MAP2: variants seen among roughly 807,000 people sequenced by gnomAD.
MAP2 encodes microtubule-associated protein 2.
A neutral mutation model predicts 137.6 loss-of-function variants in MAP2; 14 were observed. That is an observed-to-expected ratio of 0.10 (90% CI 0.07 to 0.16). MAP2 has a LOEUF of 0.16. Ranked by LOEUF, MAP2 falls within the 10% of genes least tolerant of loss-of-function variation. The pLI is 1.00. For missense variants in MAP2, 2,088 were observed against 2,191.5 expected, an observed-to-expected ratio of 0.95 and a Z score of 0.94; for synonymous variants, 786 against 782.3, an observed-to-expected ratio of 1.00 and a Z score of -0.08.
At chr2:209,700,428 AT>A in intron 11 of MAP2, 90 bp downstream of exon 11, 1 of 1,054,160 alleles carries the variant, frequency 9.5e-7, no homozygotes, top group Non-Finnish European at 1.4e-6. Context: ...TTGTTTAGAT[AT>A]TTACTCTTAA....
Position 209,680,749 on chromosome 2 carries a change from G to A in MAP2, c.377-1G>A, listed in dbSNP as rs1159942115. The A allele has an allele frequency of 6.2e-7, 1 of 1,612,346 alleles. No individual in the cohort carries two copies. The highest frequency in any genetic ancestry group is 1.7e-5 in the Admixed American group (1 of 59,976). Reference sequence around the variant, plus strand: ...TCATTTTTCTATTGTTTGATCTTTAGCAGCTGAAGAAACAGCTAATCTGCC... The same window carrying A: ...TCATTTTTCTATTGTTTGATCTTTAACAGCTGAAGAAACAGCTAATCTGCC... On this transcript the variant is annotated splice_acceptor_variant, in intron 6 of 15. Transcript: ENST00000682079. LOFTEE classifies it high-confidence loss of function.
rs72997621 is a variant in MAP2 at position 209,480,828 on chromosome 2, A to G, written c.-221-26764A>G. 9.5e-3 allele frequency among the ~76,000 whole-genome samples: 1,451 copies of G among 152,272 alleles called. 19 individuals carry two copies. Among genetic ancestry groups the G allele is most frequent in the Non-Finnish European group, 0.012 (844 of 68,026 alleles). On this transcript the variant is annotated intron_variant, in intron 1 of 15. Coordinates refer to ENST00000682079, the MANE Select transcript of MAP2 (RefSeq NM_001375505.1). The stretch of plus-strand genomic sequence containing the variant: ...AGGAACCAGGTTTACCATTGTAATC[A>G]TTAGCTTAGTCTTGTTCTTCCTTCT...
At chr2:209,592,673 T>A (rs1195437053) in intron 3 of MAP2, among the ~76,000 whole-genome samples, 1 of 152,226 alleles carries the variant, frequency 6.6e-6, no homozygotes, top group Non-Finnish European at 1.5e-5. Flanking sequence ...CTCATTCTTT[T>A]GTGAAATACT....
chr2:209,468,104 T>C (rs1351442163), intron 1 of MAP2, among the ~76,000 whole-genome samples: 1 of 136,218 alleles, frequency 7.3e-6, no homozygotes, highest in Non-Finnish European at 1.6e-5. Context: ...TGCTTTTTTT[T>C]TTCATTGTAT....
Position 209,432,442 on chromosome 2 carries a change from G to A in MAP2, c.-222+8166G>A, listed in dbSNP as rs114628771. On this transcript the variant is annotated intron_variant, in intron 1 of 15. Transcript: ENST00000682079. The stretch of plus-strand genomic sequence containing the variant: ...TCATCTGCACCCATGCTGCTTAAGC[G>A]TTATGGAATCTTTAGTTGACAAATA... Among the ~76,000 whole-genome samples the A allele has an allele frequency of 2.3e-3, 350 of 152,234 alleles. 1 individual carries two copies. The highest frequency in any genetic ancestry group is 8.0e-3 in the African/African-American group (334 of 41,528).
intron 3 of MAP2, among the ~76,000 whole-genome samples, chr2:209,591,741 T>C (rs537785435): frequency 9.5e-4 from 144 of 152,322 alleles, no homozygotes; most frequent in African/African-American, 2.7e-3. Context: ...GTTGTAAATA[T>C]TATACTTCCA....
At chr2:209,444,336 A>C (rs1211044119) in intron 1 of MAP2, among the ~76,000 whole-genome samples, 1 of 151,700 alleles carries the variant, frequency 6.6e-6, no homozygotes, top group African/African-American at 2.4e-5. Flanking sequence ...AGTCTCAATG[A>C]ATAAGGAAAT....
chr2:209,561,156 A>C (rs183476820), intron 2 of MAP2, among the ~76,000 whole-genome samples: 1 of 152,342 alleles, frequency 6.6e-6, no homozygotes. Context: ...GCTAGGCTAA[A>C]AATAGGGAAG....
intron 1 of MAP2, among the ~76,000 whole-genome samples, chr2:209,435,205 C>T (rs894852778): frequency 1.3e-5 from 2 of 150,884 alleles, no homozygotes; most frequent in Non-Finnish European, 3.0e-5. Flanking sequence ...CTCTAGTTGA[C>T]AGTCACTAGA....
At chr2:209,690,359 T>C (rs1054189650) in intron 7 of MAP2, among the ~76,000 whole-genome samples, 1 of 152,268 alleles carries the variant, frequency 6.6e-6, no homozygotes, top group Middle Eastern at 3.4e-3. Flanking sequence ...TTAAAATAAA[T>C]TGCCTTTTAA....
chr2:209,446,943 C>T (rs192823521), intron 1 of MAP2, among the ~76,000 whole-genome samples: 16 of 152,008 alleles, frequency 1.1e-4, no homozygotes, highest in South Asian at 2.1e-4. Flanking sequence ...GATATTTTCT[C>T]AGATACTACT....
At chr2:209,475,041 T>C (rs1314117998) in intron 1 of MAP2, among the ~76,000 whole-genome samples, 2 of 152,090 alleles carry the variant, frequency 1.3e-5, no homozygotes, top group Non-Finnish European at 2.9e-5. Context: ...TCTATGTGTA[T>C]GAAGAGGAAT....
intron 2 of MAP2, among the ~76,000 whole-genome samples, chr2:209,556,861 A>T (rs1268172891): frequency 1.3e-5 from 2 of 152,068 alleles, no homozygotes; most frequent in Non-Finnish European, 2.9e-5. Context: ...ATTCTTTTTT[A>T]ATTATTAAGC....
intron 5 of MAP2, among the ~76,000 whole-genome samples, chr2:209,653,858 C>T (rs16843373): frequency 0.033 from 5,028 of 151,850 alleles, 268 homozygotes; most frequent in African/African-American, 0.11. Context: ...TTTTTTAATC[C>T]ATCATTCAAC....
At chr2:209,577,027 T>C (rs1470784262) in intron 2 of MAP2, among the ~76,000 whole-genome samples, 2 of 152,208 alleles carry the variant, frequency 1.3e-5, no homozygotes, top group African/African-American at 4.8e-5. Flanking sequence ...GACCCTGTTA[T>C]GTGCTTTCAT....
chr2:209,524,098 A>G (rs1224773523), intron 2 of MAP2, among the ~76,000 whole-genome samples: 4 of 152,138 alleles, frequency 2.6e-5, no homozygotes, highest in Admixed American at 6.6e-5. Flanking sequence ...ATATTGTGGT[A>G]TGAGTAAATG....
chr2:209,451,708 T>C (rs538753169), intron 1 of MAP2, among the ~76,000 whole-genome samples: 1 of 152,316 alleles, frequency 6.6e-6, no homozygotes, highest in Admixed American at 6.5e-5. Context: ...AATGCAGACA[T>C]TCAGCAAACT....
chr2:209,648,697 G>C (rs1404535809), intron 4 of MAP2, among the ~76,000 whole-genome samples: 1 of 149,828 alleles, frequency 6.7e-6, no homozygotes, highest in Non-Finnish European at 1.5e-5. Flanking sequence ...GCTGAGGCAG[G>C]AGAATCACTT....
chr2:209,670,281 T>C (rs1553644993), intron 5 of MAP2, among the ~76,000 whole-genome samples: 1 of 151,960 alleles, frequency 6.6e-6, no homozygotes. Flanking sequence ...ATTACTCCAT[T>C]GGACACCCCC....
Sources: gnomAD v4.1 joint callset for allele counts (sites outside exome capture counted in the v4.1 genomes callset) on GRCh38, gnomAD v4.1.1 for gene constraint, MANE v1.5 for transcripts, NCBI Gene and HGNC (gene_info 2026-07-23, HGNC 2026-07-21) for gene names.